Variants in ENTHD1 observed in about 807,000 individuals in gnomAD.
ENTHD1 encodes the protein ENTH domain containing 1, also known as ENTH domain-containing protein 1.
A neutral mutation model predicts 39.1 loss-of-function variants in ENTHD1; 23 were observed. The ratio of observed to expected loss-of-function variants is 0.59; its 90% CI spans 0.42 to 0.83. ENTHD1 has a LOEUF of 0.83. Ranked by LOEUF, ENTHD1 falls within the 40% of genes least tolerant of loss-of-function variation. The pLI, the probability that ENTHD1 is intolerant of heterozygous loss-of-function variation, is 0.00. For synonymous variants in ENTHD1, 230 were observed against 258.2 expected (o/e 0.89, Z 1.05); for missense variants, 624 against 705.4 (o/e 0.88, Z 1.31).
intron 3 of ENTHD1, among the ~76,000 whole-genome samples, chr22:39,837,841 C>T (rs1391373052): frequency 6.6e-6 from 1 of 152,192 alleles, no homozygotes; most frequent in Non-Finnish European, 1.5e-5. Flanking sequence ...ATGCCTTTGC[C>T]ATCCATCTTA....
At chr22:39,804,183 G>C (rs1015887250) in intron 5 of ENTHD1, among the ~76,000 whole-genome samples, 1 of 151,234 alleles carries the variant, frequency 6.6e-6, no homozygotes, top group Non-Finnish European at 1.5e-5. Flanking sequence ...AAAAGAAAAA[G>C]AAAAACAAAA....
rs2065390443 is a variant in ENTHD1 at position 39,779,382 on chromosome 22, C to G, written c.833-13773G>C. Among the ~76,000 whole-genome samples the G allele has an allele frequency of 2.0e-5, 3 of 151,784 alleles. No individual in the cohort carries two copies. The South Asian group carries it at 6.3e-4, about 32-fold the overall frequency. ...CAAAACCAAAAACAAAAAACAAAAC[C>G]AAGCAGATTTAACAAAGATCCAAAT... On this transcript the variant is annotated intron_variant, in intron 5 of 6. Transcript: ENST00000325157.
intron 5 of ENTHD1, among the ~76,000 whole-genome samples, chr22:39,774,063 T>C (rs1230395658): frequency 6.6e-6 from 1 of 152,114 alleles, no homozygotes; most frequent in Non-Finnish European, 1.5e-5. Context: ...TCTAGAGACA[T>C]AGACAGAACC....
At chr22:39,751,312 G>C (rs1188976893) in intron 6 of ENTHD1, 1 of 153,538 alleles carries the variant, frequency 6.5e-6, no homozygotes, top group Non-Finnish European at 1.5e-5. Flanking sequence ...CACTTAGAAG[G>C]AGAGACCACA....
rs370368080 is a variant in ENTHD1 at position 39,863,075 on chromosome 22, A to G, written c.350-1068T>C. On this transcript the variant is annotated intron_variant, in intron 2 of 6. Coordinates refer to ENST00000325157, the MANE Select transcript of ENTHD1 (RefSeq NM_152512.4). ...CCCTCACTAGACAACTGAACCTGCC[A>G]GTGCCCTGAACCTGGACTCTCCAGC... Among the ~76,000 whole-genome samples, 69 of 152,296 alleles carry G rather than the reference A, an allele frequency of 4.5e-4. 1 individual carries two copies. In the South Asian group the frequency reaches 0.013, roughly 29 times the overall value.
intron 5 of ENTHD1, among the ~76,000 whole-genome samples, chr22:39,800,255 G>T (rs566013550): frequency 5.9e-5 from 9 of 152,184 alleles, no homozygotes; most frequent in Admixed American, 3.3e-4. Flanking sequence ...TGCCTTAGGT[G>T]TTTCCTGTCA....
chr22:39,863,015 C>A (rs1209266434), intron 2 of ENTHD1, among the ~76,000 whole-genome samples: 1 of 152,196 alleles, frequency 6.6e-6, no homozygotes, highest in Non-Finnish European at 1.5e-5. Context: ...CCAGAGGATG[C>A]AGCATCAAGG....
rs147404307 is a variant in ENTHD1, at chr22:39,829,082, A to G, written c.711+6758T>C. On this transcript the variant is annotated intron_variant, in intron 4 of 6. Transcript: ENST00000325157. ...TAGTACATTTGACAACAACAATTAG[A>G]TTTACTGTTCAACTTACTAGGTTTT... Among the ~76,000 whole-genome samples, 279 of 152,310 alleles carry G rather than the reference A, an allele frequency of 1.8e-3. 1 individual carries two copies. In the East Asian group the frequency reaches 0.026, roughly 14 times the overall value.
At chr22:39,836,001 C>G in intron 3 of ENTHD1, 43 bp from the exon 4 acceptor site, 1 of 1,455,856 alleles carries the variant, frequency 6.9e-7, no homozygotes. Context: ...TGGCAAAACA[C>G]AGTTATGTTT....
intron 2 of ENTHD1, chr22:39,875,385 C>A: frequency 7.0e-7 from 1 of 1,436,910 alleles, no homozygotes; most frequent in Non-Finnish European, 9.1e-7. Context: ...TTGGTGCAGG[C>A]CACGGTGCCC....
At chr22:39,802,891 A>G (rs2065610113) in intron 5 of ENTHD1, among the ~76,000 whole-genome samples, 1 of 152,024 alleles carries the variant, frequency 6.6e-6, no homozygotes, top group South Asian at 2.1e-4. Context: ...TCAGGGCCAA[A>G]CTCCAAAGTC....
At chr22:39,829,300 A>T (rs2065848796) in intron 4 of ENTHD1, among the ~76,000 whole-genome samples, 1 of 152,164 alleles carries the variant, frequency 6.6e-6, no homozygotes, top group African/African-American at 2.4e-5. Flanking sequence ...CACTGAAATA[A>T]GATGTAATGT....
intron 5 of ENTHD1, among the ~76,000 whole-genome samples, chr22:39,819,176 C>T (rs1029684582): frequency 2.6e-5 from 4 of 152,038 alleles, no homozygotes; most frequent in Non-Finnish European, 4.4e-5. Flanking sequence ...ACCATCCTGG[C>T]TAACACGGTG....
At chr22:39,797,089 C>T (rs1259994873) in intron 5 of ENTHD1, among the ~76,000 whole-genome samples, 1 of 152,160 alleles carries the variant, frequency 6.6e-6, no homozygotes, top group African/African-American at 2.4e-5. Flanking sequence ...TCCTCTTGCT[C>T]AATTAATCCC....
At chr22:39,798,519 G>A (rs2065569049) in intron 5 of ENTHD1, among the ~76,000 whole-genome samples, 1 of 152,126 alleles carries the variant, frequency 6.6e-6, no homozygotes, top group African/African-American at 2.4e-5. Flanking sequence ...CATCAGTGGT[G>A]TCTGTGATTT....
intron 5 of ENTHD1, among the ~76,000 whole-genome samples, chr22:39,771,300 G>A (rs2065321702): frequency 6.6e-6 from 1 of 152,164 alleles, no homozygotes; most frequent in Non-Finnish European, 1.5e-5. Flanking sequence ...AGAAGAGTTA[G>A]AAGGCGGAGA....
chr22:39,795,274 T>C (rs1169670840), intron 5 of ENTHD1, among the ~76,000 whole-genome samples: 2 of 152,194 alleles, frequency 1.3e-5, no homozygotes, highest in Non-Finnish European at 2.9e-5. Context: ...GCTTGTCTCC[T>C]AGAATGAGTT....
intron 3 of ENTHD1, among the ~76,000 whole-genome samples, chr22:39,842,747 T>C (rs925448406): frequency 2.0e-5 from 3 of 149,498 alleles, no homozygotes; most frequent in Non-Finnish European, 3.0e-5. Flanking sequence ...TACAATGAAC[T>C]CAAACAAATT....
rs2065779955 is a variant in ENTHD1, at chr22:39,821,121, A to G, written c.712-8T>C. 8.1e-6 allele frequency: 13 copies of G among 1,613,462 alleles called. No homozygotes were observed. The highest frequency in any genetic ancestry group is 1.1e-5 in the Non-Finnish European group (13 of 1,179,722). ...CAAAAATGTCATCAGGTCCTGACAGAAAACACAAGAACATGAGAATTGAAG... is the reference window on the plus strand; with the variant it reads ...CAAAAATGTCATCAGGTCCTGACAGGAAACACAAGAACATGAGAATTGAAG... On this transcript the variant is annotated splice_region_variant and splice_polypyrimidine_tract_variant and intron_variant, in intron 4 of 6. Transcript: ENST00000325157.
Sources: allele counts gnomAD v4.1 joint callset (sites outside exome capture counted in the v4.1 genomes callset), GRCh38; gene constraint gnomAD v4.1.1; transcripts MANE v1.5; gene names NCBI Gene and HGNC (gene_info 2026-07-23, HGNC 2026-07-21).